ADRA1A: variants seen among roughly 807,000 people sequenced by gnomAD.
The protein encoded by ADRA1A is alpha-1A adrenergic receptor.
ADRA1A carries 31 observed loss-of-function variants against 29.6 expected under a neutral mutation model. The ratio of observed to expected loss-of-function variants is 1.05; its 90% CI spans 0.79 to 1.41. The LOEUF is 1.41. ADRA1A is among the 40% of genes most tolerant of loss of function. The pLI is 0.00. For synonymous variants in ADRA1A, 311 were observed against 254.3 expected (o/e 1.22, Z -2.12); for missense variants, 619 against 601.1 (o/e 1.03, Z -0.31).
intron 2 of ADRA1A, among the ~76,000 whole-genome samples, chr8:26,838,110 G>T (rs1463776055): frequency 6.6e-6 from 1 of 152,158 alleles, no homozygotes. Flanking sequence ...CAGGACAGGC[G>T]TTTAATGATA....
At chr8:26,760,632 TC>T (rs774966140) in intron 2 of ADRA1A, among the ~76,000 whole-genome samples, 6 of 152,178 alleles carry the variant, frequency 3.9e-5, no homozygotes, top group Non-Finnish European at 5.9e-5. Context: ...CATGTGGTCC[TC>T]AATGCCCCAG....
chr8:26,854,114 G>A (rs1812828589), intron 2 of ADRA1A: 3 of 152,112 alleles, frequency 2.0e-5, no homozygotes, highest in African/African-American at 7.2e-5. Flanking sequence ...GCCAGAACAA[G>A]GAAGAGGAAA....
intron 2 of ADRA1A, among the ~76,000 whole-genome samples, chr8:26,749,209 G>T (rs1441889444): frequency 6.6e-6 from 1 of 152,138 alleles, no homozygotes; most frequent in South Asian, 2.1e-4. Flanking sequence ...CTTTCCAAAG[G>T]ACAGGAGACT....
intron 2 of ADRA1A, among the ~76,000 whole-genome samples, chr8:26,839,157 ATTTT>A (rs11352512): frequency 5.8e-5 from 7 of 119,924 alleles, no homozygotes; most frequent in African/African-American, 9.0e-5. Flanking sequence ...TCTGTGAAGA[ATTTT>A]TTTTTTTTTT....
At chr8:26,817,339 C>A (rs749587943) in intron 2 of ADRA1A, among the ~76,000 whole-genome samples, 5 of 152,086 alleles carry the variant, frequency 3.3e-5, no homozygotes, top group Non-Finnish European at 7.4e-5. Context: ...CAATGAGATA[C>A]CATTTTACAT....
At chr8:26,834,417 G>C (rs1212355476) in intron 2 of ADRA1A, among the ~76,000 whole-genome samples, 2 of 152,188 alleles carry the variant, frequency 1.3e-5, no homozygotes, top group South Asian at 4.2e-4. Context: ...TGGGTGGAAA[G>C]GGGGAGCTTT....
chr8:26,764,291 A>G (rs1805659348), downstream of ADRA1A, among the ~76,000 whole-genome samples: 2 of 152,194 alleles, frequency 1.3e-5, no homozygotes, highest in Non-Finnish European at 2.9e-5. Flanking sequence ...GCAAACCAAG[A>G]GCCTCCTGCC....
At chr8:26,817,771 T>G (rs547925902) in intron 2 of ADRA1A, among the ~76,000 whole-genome samples, 6 of 152,106 alleles carry the variant, frequency 3.9e-5, no homozygotes, top group Non-Finnish European at 8.8e-5. Context: ...GAGCGAGACC[T>G]TATCTCAGGT....
downstream of ADRA1A, among the ~76,000 whole-genome samples, chr8:26,751,640 G>A (rs1252551000): frequency 6.6e-6 from 1 of 152,190 alleles, no homozygotes; most frequent in Non-Finnish European, 1.5e-5. Flanking sequence ...CAGAAAAGTT[G>A]ATCTACTAGG....
At chr8:26,810,118 T>C (rs1809276159) in intron 2 of ADRA1A, among the ~76,000 whole-genome samples, 1 of 152,224 alleles carries the variant, frequency 6.6e-6, no homozygotes, top group Admixed American at 6.5e-5. Context: ...TAACCATGAA[T>C]GCTTTAATAA....
rs528591354 is a variant in ADRA1A, at chr8:26,860,343, G to T, written c.883+3744C>A. Among the ~76,000 whole-genome samples the T allele has an allele frequency of 6.6e-6, 1 of 152,104 alleles. No homozygotes were observed. Among genetic ancestry groups the T allele is most frequent in the East Asian group, 1.9e-4 (1 of 5,176 alleles). The stretch of plus-strand genomic sequence containing the variant: ...CTCCTTCTACAACCTGGCTGTGGAT[G>T]CTCCCTAACCTGACCGAGTCTGTGT... On this transcript the variant is annotated intron_variant, in intron 2 of 2. Coordinates refer to ENST00000380573, the MANE Select transcript of ADRA1A (RefSeq NM_000680.4). The surrounding 1 kb of genome is among the most constrained non-coding windows in gnomAD (Gnocchi z 4.7).
At chr8:26,758,899 AT>A (rs78240244) in intron 2 of ADRA1A, among the ~76,000 whole-genome samples, 2 of 151,722 alleles carry the variant, frequency 1.3e-5, no homozygotes, top group African/African-American at 4.8e-5. Flanking sequence ...CTCTGGGAAA[AT>A]TTTTTTTTGT....
At chr8:26,852,772 C>T (rs1812732253) in intron 2 of ADRA1A, among the ~76,000 whole-genome samples, 2 of 151,946 alleles carry the variant, frequency 1.3e-5, no homozygotes, top group African/African-American at 2.4e-5. Context: ...TAAGCTGTTA[C>T]AGTTTATAGA....
At chr8:26,812,961 C>T (rs566296243) in intron 2 of ADRA1A, among the ~76,000 whole-genome samples, 7 of 150,370 alleles carry the variant, frequency 4.7e-5, no homozygotes, top group Non-Finnish European at 7.4e-5. Context: ...CTACCACGCC[C>T]GGCCTGCCTT....
intron 2 of ADRA1A, among the ~76,000 whole-genome samples, chr8:26,844,530 C>T (rs1198423107): frequency 6.6e-6 from 1 of 152,144 alleles, no homozygotes; most frequent in Non-Finnish European, 1.5e-5. Context: ...ATGTGGAATA[C>T]AATTCCATTT....
At chr8:26,835,334 A>G (rs557058505) in intron 2 of ADRA1A, among the ~76,000 whole-genome samples, 4 of 152,294 alleles carry the variant, frequency 2.6e-5, no homozygotes, top group African/African-American at 7.2e-5. Flanking sequence ...TACAAACCCA[A>G]TTTCTCACAT....
chr8:26,794,392 G>C (rs764429285), intron 2 of ADRA1A, among the ~76,000 whole-genome samples: 5 of 152,068 alleles, frequency 3.3e-5, no homozygotes, highest in Non-Finnish European at 5.9e-5. Flanking sequence ...TCTGGCCTCA[G>C]AATTGTGGTT....
chr8:26,818,836 T>C (rs751992896), intron 2 of ADRA1A, among the ~76,000 whole-genome samples: 19 of 152,112 alleles, frequency 1.2e-4, no homozygotes, highest in Non-Finnish European at 1.3e-4. Context: ...CTCCAGGATT[T>C]ATGAAATGTT....
chr8:26,757,074 C>G (rs954940453), intron 2 of ADRA1A: 2 of 702,854 alleles, frequency 2.8e-6, no homozygotes, highest in African/African-American at 3.5e-5. Context: ...TAATTTGGGC[C>G]AACACCAATC....
Sources: gnomAD v4.1 joint callset for allele counts (sites outside exome capture counted in the v4.1 genomes callset) on GRCh38, gnomAD v4.1.1 for gene constraint, Gnocchi (gnomAD v3.1) non-coding constraint, MANE v1.5 for transcripts, NCBI Gene and HGNC (gene_info 2026-07-23, HGNC 2026-07-21) for gene names.